LRFN2: variants seen among roughly 807,000 people sequenced by gnomAD.
The protein encoded by LRFN2 is leucine rich repeat and fibronectin type III domain containing 2, also known as leucine-rich repeat and fibronectin type-III domain-containing protein 2.
A neutral mutation model predicts 37.3 loss-of-function variants in LRFN2; 18 were observed. The ratio of observed to expected loss-of-function variants is 0.48; its 90% CI spans 0.33 to 0.72. The LOEUF (loss-of-function observed/expected upper bound fraction) is 0.72, where lower values mean the gene tolerates loss of function less well. Ranked by LOEUF, LRFN2 falls within the 30% of genes least tolerant of loss-of-function variation. The probability of loss-of-function intolerance (pLI) is 0.02; values close to 1 mark genes in which losing one functional copy is unlikely to be tolerated. For synonymous variants in LRFN2, 556 were observed against 466.6 expected, an observed-to-expected ratio of 1.19 and a Z score of -2.47; for missense variants, 1,006 against 1,060.7, an observed-to-expected ratio of 0.95 and a Z score of 0.72.
chr6:40,572,198 T>C (rs1767201846), intron 1 of LRFN2, among the ~76,000 whole-genome samples: 1 of 152,196 alleles, frequency 6.6e-6, no homozygotes. Context: ...GACGTAGAGA[T>C]GATAGTTAAA....
chr6:40,512,272 C>G (rs1765732442), intron 1 of LRFN2, among the ~76,000 whole-genome samples: 1 of 152,186 alleles, frequency 6.6e-6, no homozygotes, highest in African/African-American at 2.4e-5. Context: ...ACTTACCCTC[C>G]CATTGCCCCC....
At chr6:40,436,608 C>T (rs1002223159) in intron 1 of LRFN2, among the ~76,000 whole-genome samples, 3 of 152,244 alleles carry the variant, frequency 2.0e-5, no homozygotes, top group Admixed American at 2.0e-4. Flanking sequence ...CCTGCCAGTC[C>T]CTGTTCTCAC....
chr6:40,522,213 C>T (rs1006621728), intron 1 of LRFN2, among the ~76,000 whole-genome samples: 2 of 152,080 alleles, frequency 1.3e-5, no homozygotes, highest in East Asian at 1.9e-4. Context: ...AATGTGGGAC[C>T]GAAGGCCTAC....
intron 1 of LRFN2, among the ~76,000 whole-genome samples, chr6:40,477,407 T>G (rs1402487836): frequency 6.6e-6 from 1 of 152,208 alleles, no homozygotes; most frequent in African/African-American, 2.4e-5. Flanking sequence ...AACAAGGTTA[T>G]CTACGTTGTC....
At chr6:40,469,771 A>G (rs1764552207) in intron 1 of LRFN2, among the ~76,000 whole-genome samples, 1 of 152,098 alleles carries the variant, frequency 6.6e-6, no homozygotes, top group African/African-American at 2.4e-5. Context: ...TCTCTCATGA[A>G]CTACAGCTCT....
intron 1 of LRFN2, among the ~76,000 whole-genome samples, chr6:40,506,092 A>G (rs1030775692): frequency 6.6e-6 from 1 of 152,218 alleles, no homozygotes; most frequent in Non-Finnish European, 1.5e-5. Context: ...CATTTCTACA[A>G]CATCAGGACT....
rs143308770 is a variant in LRFN2, at chr6:40,431,985, C to A, written c.1129G>T (p.Val377Phe). ...CTGTTGCTGAGGTGTGGCAGCTGGA[C>A]GATGGAGACCTCCACCATGGCCGTG... is the stretch of plus-strand genomic sequence containing the variant. ...EATAMVEVSI[V>F]QLPHLSNSTS... Residue 377 changes from valine to phenylalanine, a missense_variant, in exon 2 of 3, where the codon GTC (valine) becomes TTC (phenylalanine). This residue lies in a region of LRFN2 where 303 missense variants were observed against 299.8 expected (regional missense o/e 1.01). Coordinates refer to ENST00000338305, the MANE Select transcript of LRFN2 (RefSeq NM_020737.3). The A allele has an allele frequency of 1.7e-5, 27 of 1,613,342 alleles. No individual in the cohort carries two copies. The highest frequency in any genetic ancestry group is 3.3e-5 in the Admixed American group (2 of 60,000).
At chr6:40,561,283 G>A (rs1766989273) in intron 1 of LRFN2, among the ~76,000 whole-genome samples, 3 of 152,210 alleles carry the variant, frequency 2.0e-5, no homozygotes, top group Admixed American at 2.0e-4. Context: ...GAGCTGGCCT[G>A]GGCCCAGGCC....
chr6:40,477,221 A>G (rs993401681), intron 1 of LRFN2, among the ~76,000 whole-genome samples: 3 of 152,124 alleles, frequency 2.0e-5, no homozygotes, highest in African/African-American at 7.2e-5. Context: ...GGTGGAAGTA[A>G]CTCATGTTGG....
At chr6:40,403,779 A>G (rs1762790716) in intron 2 of LRFN2, among the ~76,000 whole-genome samples, 1 of 152,136 alleles carries the variant, frequency 6.6e-6, no homozygotes, top group South Asian at 2.1e-4. Flanking sequence ...GTTAAAACCC[A>G]GGTCACATCC....
At chr6:40,420,809 GAGA>G in intron 2 of LRFN2, among the ~76,000 whole-genome samples, 1 of 152,224 alleles carries the variant, frequency 6.6e-6, no homozygotes, top group Non-Finnish European at 1.5e-5. Flanking sequence ...TGCAGACCCT[GAGA>G]CAAGGATTTG....
At chr6:40,545,510 C>T (rs756671312) in intron 1 of LRFN2, among the ~76,000 whole-genome samples, 17 of 152,192 alleles carry the variant, frequency 1.1e-4, no homozygotes, top group Non-Finnish European at 1.6e-4. Context: ...TGGGCCAACC[C>T]CTGGAGCATG....
chr6:40,483,617 G>T (rs549887850), intron 1 of LRFN2, among the ~76,000 whole-genome samples: 12 of 152,308 alleles, frequency 7.9e-5, no homozygotes, highest in African/African-American at 2.9e-4. Context: ...TCACACCTAT[G>T]CAGAACTTAC....
chr6:40,472,813 A>G (rs1258469669), intron 1 of LRFN2, among the ~76,000 whole-genome samples: 2 of 152,216 alleles, frequency 1.3e-5, no homozygotes, highest in Admixed American at 1.3e-4. Flanking sequence ...TGTAGGCACC[A>G]TGTCATTCCC....
At chr6:40,511,091 G>C (rs1045625332) in intron 1 of LRFN2, among the ~76,000 whole-genome samples, 1 of 152,144 alleles carries the variant, frequency 6.6e-6, no homozygotes, top group African/African-American at 2.4e-5. Flanking sequence ...AGGGAACACA[G>C]AGTTGAGTTA....
At chr6:40,459,518 C>T (rs371934274) in intron 1 of LRFN2, among the ~76,000 whole-genome samples, 1 of 152,208 alleles carries the variant, frequency 6.6e-6, no homozygotes, top group African/African-American at 2.4e-5. Flanking sequence ...GTGGACTTCT[C>T]TCCATGAACA....
In LRFN2 at chr6:40,428,337, G is replaced by A. The variant is rs553175311; in HGVS notation, c.1400+3377C>T. On this transcript the variant is annotated intron_variant, in intron 2 of 2. Transcript: ENST00000338305. ...AACATGGACTAAAAAGCCCTCTATG[G>A]CTGCATTTAGCTTTCTCTGTACAGC... Among the ~76,000 whole-genome samples, 6 of 152,206 alleles carry A rather than the reference G, an allele frequency of 3.9e-5. No individual in the cohort carries two copies. The East Asian group carries it at 1.2e-3, about 29-fold the overall frequency.
At position 40,547,108 on chromosome 6, in the gene LRFN2, T is replaced by C. The variant is rs116017045; in HGVS notation, c.-19+39833A>G. Among the ~76,000 whole-genome samples, 1,413 of 149,320 alleles carry C rather than the reference T, an allele frequency of 9.5e-3. 26 individuals carry two copies. The highest frequency in any genetic ancestry group is 0.033 in the African/African-American group (1,323 of 39,842). ...AAAAAATGGCAATAATGCAAATCTT[T>C]TTTTTTTTTTTTTGAGATAGAGTTT... On this transcript the variant is annotated intron_variant, in intron 1 of 2. Transcript: ENST00000338305.
intron 1 of LRFN2, among the ~76,000 whole-genome samples, chr6:40,436,101 A>G (rs909255612): frequency 1.3e-5 from 2 of 152,354 alleles, no homozygotes; most frequent in South Asian, 2.1e-4. Flanking sequence ...AACTAGCTAT[A>G]TCAAAATATT....
Sources: gnomAD v4.1 joint callset for allele counts (sites outside exome capture counted in the v4.1 genomes callset) on GRCh38, gnomAD v4.1.1 for gene constraint, gnomAD v4.1.1 regional missense constraint, MANE v1.5 for transcripts, NCBI Gene and HGNC (gene_info 2026-07-23, HGNC 2026-07-21) for gene names.